ABCB4: variants seen among roughly 807,000 people sequenced by gnomAD.
ABCB4 encodes ATP binding cassette subfamily B member 4, also known as phosphatidylcholine translocator ABCB4.
A neutral mutation model predicts 145.7 loss-of-function variants in ABCB4; 76 were observed. The observed-to-expected ratio is 0.52, with a 90% CI of 0.43 to 0.63. The LOEUF is 0.63. ABCB4 is among the 30% of genes least tolerant of loss of function. The pLI is 0.00. For missense variants in ABCB4, 1,234 were observed against 1,553.1 expected (o/e 0.79, Z 3.45); for synonymous variants, 517 against 566.8 (o/e 0.91, Z 1.25).
Position 87,453,784 on chromosome 7 carries a change from T to C in ABCB4, c.345-649A>G, listed in dbSNP as rs987011992. The stretch of plus-strand genomic sequence containing the variant: ...TTAATAATTATATTCTAGACTTGTA[T>C]ATCTTATTGTACTGAAAAGTTCACT... On this transcript the variant is annotated intron_variant, in intron 5 of 27. Transcript: ENST00000649586. Among the ~76,000 whole-genome samples the C allele has an allele frequency of 5.3e-5, 8 of 152,328 alleles. No homozygotes were observed. In the East Asian group the frequency reaches 1.4e-3, roughly 26 times the overall value.
intron 14 of ABCB4, among the ~76,000 whole-genome samples, chr7:87,435,958 T>C (rs1584733870): frequency 6.6e-6 from 1 of 152,224 alleles, no homozygotes; most frequent in Admixed American, 6.5e-5. Context: ...ACCTTCATTA[T>C]GTAACCTTGG....
chr7:87,398,733 TG>T, downstream of ABCB4: 10 of 1,261,402 alleles, frequency 7.9e-6, no homozygotes, highest in Non-Finnish European at 8.8e-6. Context: ...GAAGGAATGT[TG>T]ACTTGCTAAC....
chr7:87,466,258 G>A (rs1441368744), intron 3 of ABCB4, among the ~76,000 whole-genome samples: 1 of 152,196 alleles, frequency 6.6e-6, no homozygotes, highest in Non-Finnish European at 1.5e-5. Context: ...GAAAGCACAA[G>A]CTTCAGTAGC....
chr7:87,469,122 C>A (rs181661529), intron 3 of ABCB4, among the ~76,000 whole-genome samples: 2,301 of 152,080 alleles, frequency 0.015, 60 homozygotes, highest in African/African-American at 0.052. Context: ...AAGAAAAAAA[C>A]CACATTATTA....
chr7:87,382,147 A>C, the ABCB4 span: 1 of 1,613,270 alleles, frequency 6.2e-7, no homozygotes, highest in Non-Finnish European at 8.5e-7. Context: ...GTTTTAAATG[A>C]CATCAACCAA....
At chr7:87,403,505 A>G in intron 26 of ABCB4, 2 of 547,402 alleles carry the variant, frequency 3.7e-6, no homozygotes, top group Non-Finnish European at 6.5e-6. Flanking sequence ...AAATAGGAGG[A>G]GGATACTCTA....
intron 4 of ABCB4, among the ~76,000 whole-genome samples, chr7:87,461,347 CT>C (rs1812448466): frequency 1.3e-5 from 2 of 152,216 alleles, no homozygotes; most frequent in Admixed American, 6.5e-5. Context: ...CCATTTAAAA[CT>C]TTCCCAAGCA....
intron 7 of ABCB4, among the ~76,000 whole-genome samples, chr7:87,450,729 T>A (rs1215711390): frequency 6.6e-6 from 1 of 152,130 alleles, no homozygotes. Context: ...TTTGGACTTG[T>A]GTCACAATTT....
At chr7:87,366,525 A>G in the ABCB4 span, among the ~76,000 whole-genome samples, 1 of 152,126 alleles carries the variant, frequency 6.6e-6, no homozygotes, top group African/African-American at 2.4e-5. Context: ...TAGACGATCC[A>G]TAGGCTCTCA....
chr7:87,460,608 A>G (rs1395239868), intron 4 of ABCB4, among the ~76,000 whole-genome samples: 1 of 151,664 alleles, frequency 6.6e-6, no homozygotes, highest in East Asian at 1.9e-4. Flanking sequence ...TGTTGCTGGA[A>G]AGGACACAAT....
chr7:87,473,386 C>G (rs955211185), intron 2 of ABCB4, among the ~76,000 whole-genome samples: 6 of 152,220 alleles, frequency 3.9e-5, no homozygotes, highest in Non-Finnish European at 8.8e-5. Context: ...AGCCTGGACT[C>G]TCTGCTGTTC....
intron 26 of ABCB4, among the ~76,000 whole-genome samples, chr7:87,404,403 T>C (rs1321404355): frequency 6.6e-6 from 1 of 152,146 alleles, no homozygotes; most frequent in Non-Finnish European, 1.5e-5. Context: ...AATGTAAAGC[T>C]ATAAAACTTT....
intron 25 of ABCB4, 86 bp from the exon 26 acceptor site, chr7:87,406,580 C>A: frequency 2.8e-6 from 4 of 1,453,988 alleles, no homozygotes; most frequent in South Asian, 1.2e-5. Flanking sequence ...TTTGGAGGAT[C>A]GTTGCATGAG....
intron 4 of ABCB4, among the ~76,000 whole-genome samples, chr7:87,457,584 G>T (rs187156749): frequency 6.6e-6 from 1 of 152,182 alleles, no homozygotes; most frequent in Non-Finnish European, 1.5e-5. Context: ...AGAGTGGGTT[G>T]TTTCATTTCC....
chr7:87,463,437 T>C (rs982517398), intron 3 of ABCB4, among the ~76,000 whole-genome samples: 3 of 152,346 alleles, frequency 2.0e-5, no homozygotes, highest in East Asian at 1.9e-4. Context: ...AGTGTGTCTA[T>C]ATATGCACCT....
At chr7:87,401,378 G>A (rs1807775067), downstream of ABCB4, among the ~76,000 whole-genome samples, 6 of 152,106 alleles carry the variant, frequency 3.9e-5, no homozygotes, top group Admixed American at 3.9e-4. Flanking sequence ...TTCATTGTAG[G>A]AAAAACGGAT....
chr7:87,377,307 A>G, the ABCB4 span: 2 of 1,257,788 alleles, frequency 1.6e-6, no homozygotes, highest in South Asian at 2.6e-5. Flanking sequence ...TTACAAACCA[A>G]TATTAAACCC....
intron 2 of ABCB4, 115 bp downstream of exon 2, chr7:87,475,271 T>G: frequency 7.8e-7 from 1 of 1,274,492 alleles, no homozygotes. Context: ...CAAAGAAGCC[T>G]CCAAAACAAA....
chr7:87,433,675 GTTTTTTT>G (rs1000391993), intron 14 of ABCB4, among the ~76,000 whole-genome samples: 2 of 100,368 alleles, frequency 2.0e-5, no homozygotes, highest in Non-Finnish European at 3.9e-5. Context: ...AATTGTTGTT[GTTTTTTT>G]TTTTTTTTTT....
Sources: gnomAD v4.1 joint callset for allele counts (sites outside exome capture counted in the v4.1 genomes callset) on GRCh38, gnomAD v4.1.1 for gene constraint, MANE v1.5 for transcripts, NCBI Gene and HGNC (gene_info 2026-07-23, HGNC 2026-07-21) for gene names.